Variants in SYNE3 observed in about 807,000 individuals in gnomAD.
SYNE3 encodes the protein nesprin-3.
In SYNE3, 100 loss-of-function variants were observed where a neutral mutation model predicts 111.2. The ratio of observed to expected loss-of-function variants is 0.90; its 90% CI spans 0.77 to 1.06. SYNE3 has a LOEUF of 1.06. Among genes scored for constraint, SYNE3 ranks in the 50% least tolerant of loss-of-function variants. The pLI, the probability that SYNE3 is intolerant of heterozygous loss-of-function variation, is 0.00. For missense variants in SYNE3, 1,160 were observed against 1,240.3 expected (o/e 0.94, Z 0.97); for synonymous variants, 547 against 533.9 (o/e 1.02, Z -0.34).
At chr14:95,465,823 T>C in intron 4 of SYNE3, 108 bp downstream of exon 4, 1 of 1,169,490 alleles carries the variant, frequency 8.6e-7, no homozygotes, top group Non-Finnish European at 1.2e-6. Context: ...GATAGATTGA[T>C]AGTAGGTAAA....
rs73343113 is a variant in SYNE3, at chr14:95,485,344, C to T, written c.-14-9509G>A. ...GACAGAGTGAGGCGGGGCTGCTGGC[C>T]CCCTCCCCACATTCCAATGGGCTTC... On this transcript the variant is annotated intron_variant, in intron 1 of 17. Coordinates refer to ENST00000682763, the MANE Select transcript of SYNE3 (RefSeq NM_152592.6). This position sits in a 1 kb window ranked among gnomAD's most constrained non-coding sequence, Gnocchi z 4.3. Among the ~76,000 whole-genome samples the T allele has an allele frequency of 0.052, 7,940 of 152,168 alleles. 339 individuals are homozygous for T. The highest frequency in any genetic ancestry group is 0.12 in the African/African-American group (5,024 of 41,484).
intron 17 of SYNE3, among the ~76,000 whole-genome samples, chr14:95,431,099 C>A (rs141568638): frequency 1.1e-3 from 162 of 152,354 alleles, no homozygotes; most frequent in African/African-American, 3.8e-3. Context: ...TCAGAGCATG[C>A]CGGAGGAGGC....
intron 1 of SYNE3, among the ~76,000 whole-genome samples, chr14:95,509,623 G>A (rs145080874): frequency 6.6e-5 from 10 of 152,316 alleles, no homozygotes; most frequent in Non-Finnish European, 1.5e-4. Flanking sequence ...GGCTCCTCCC[G>A]TCCTTAAGGA....
chr14:95,431,945 A>G (rs1490125757), intron 17 of SYNE3, 134 bp downstream of exon 17: 3 of 1,020,970 alleles, frequency 2.9e-6, no homozygotes, highest in Non-Finnish European at 2.9e-6. Flanking sequence ...CCCAGAGTTG[A>G]TCCCCCATAA....
rs1301084893 is a variant in SYNE3 at position 95,417,602 on chromosome 14, C to T, written c.*224G>A. The T allele has an allele frequency of 1.5e-5, 9 of 585,592 alleles. No individual in the cohort carries two copies. In the East Asian group the frequency reaches 2.0e-4, roughly 13 times the overall value. 36.3% of individuals were successfully genotyped at this position (585,592 alleles called of 1,614,324 possible). Reference sequence around the variant, plus strand: ...ATACAGATCATATAAAAATTCTAGACATTATTCCCTAGTCACATGTAGTAC... The same window carrying T: ...ATACAGATCATATAAAAATTCTAGATATTATTCCCTAGTCACATGTAGTAC... On this transcript the variant is annotated 3_prime_UTR_variant, in exon 18 of 18. Coordinates refer to ENST00000682763, the MANE Select transcript of SYNE3 (RefSeq NM_152592.6).
chr14:95,436,463 T>C (rs1886090946), intron 15 of SYNE3, among the ~76,000 whole-genome samples: 1 of 152,184 alleles, frequency 6.6e-6, no homozygotes. Flanking sequence ...CACTGCCCGG[T>C]TGAGTTCAGC....
intron 5 of SYNE3, 84 bp downstream of exon 5, chr14:95,457,093 A>G: frequency 6.8e-7 from 1 of 1,479,260 alleles, no homozygotes; most frequent in Non-Finnish European, 9.0e-7. Flanking sequence ...TCAAAAAAAA[A>G]AAAAAAAAAG....
At chr14:95,459,032 C>T (rs184140852) in intron 4 of SYNE3, among the ~76,000 whole-genome samples, 1 of 152,298 alleles carries the variant, frequency 6.6e-6, no homozygotes, top group Non-Finnish European at 1.5e-5. Flanking sequence ...AAGTGTCAGA[C>T]TCCAAAATCA....
intron 6 of SYNE3, among the ~76,000 whole-genome samples, chr14:95,453,661 A>G (rs1887230956): frequency 6.6e-6 from 1 of 152,254 alleles, no homozygotes; most frequent in African/African-American, 2.4e-5. Context: ...AGCCCAGCAC[A>G]TCAGTGGTCA....
At chr14:95,484,458 G>A (rs913476429) in intron 1 of SYNE3, among the ~76,000 whole-genome samples, 1 of 152,224 alleles carries the variant, frequency 6.6e-6, no homozygotes, top group Non-Finnish European at 1.5e-5. Flanking sequence ...AGGGGCTGCT[G>A]GCAGTGTGGG....
chr14:95,424,214 G>T (rs547767630), intron 17 of SYNE3, among the ~76,000 whole-genome samples: 1 of 151,844 alleles, frequency 6.6e-6, no homozygotes, highest in African/African-American at 2.4e-5. Context: ...AGCCACAGGT[G>T]TGAGAGGAGA....
At chr14:95,513,189 C>T (rs545729420) in intron 1 of SYNE3, among the ~76,000 whole-genome samples, 16 of 152,176 alleles carry the variant, frequency 1.1e-4, no homozygotes, top group Admixed American at 1.0e-3. Flanking sequence ...TTCCTCAGCA[C>T]GCGTGGTAAT....
chr14:95,427,289 CA>C (rs1885488523), intron 17 of SYNE3, among the ~76,000 whole-genome samples: 1 of 152,156 alleles, frequency 6.6e-6, no homozygotes, highest in South Asian at 2.1e-4. Context: ...AAACACCCGC[CA>C]CTTAGCAGAC....
At position 95,423,631 on chromosome 14, in the gene SYNE3, GATGGGGATGGGGTTTT is replaced by G. The variant is rs1885267882; in HGVS notation, c.2728-5621_2728-5606del. On this transcript the variant is annotated intron_variant, in intron 17 of 17. Transcript: ENST00000682763. ...GGGGATTTGATGGGGATGGGGATTTGATGGGGATGGGGTTTTGATGGGGATGGGGATTTGATGGGGA... is the reference window on the plus strand; with the variant it reads ...GGGGATTTGATGGGGATGGGGATTTGGATGGGGATGGGGATTTGATGGGGA... Among the ~76,000 whole-genome samples, 28 of 35,908 alleles carry G rather than the reference GATGGGGATGGGGTTTT, an allele frequency of 7.8e-4. 2 individuals carry two copies. The highest frequency in any genetic ancestry group is 1.2e-3 in the Non-Finnish European group (19 of 15,350). The allele number at this position is 35,908 out of a possible 152,430, so 23.6% of individuals were successfully genotyped here. A position where few individuals can be genotyped will look rare whatever the true frequency, so the allele number is the denominator to read the frequency against.
chr14:95,432,156 A>T, intron 16 of SYNE3, 39 bp from the exon 17 acceptor site: 1 of 1,598,034 alleles, frequency 6.3e-7, no homozygotes, highest in South Asian at 1.1e-5. Flanking sequence ...GGGGGAAAAA[A>T]ATAAGTTAAG....
chr14:95,513,773 T>TATATA, intron 1 of SYNE3, among the ~76,000 whole-genome samples: 1 of 68,604 alleles, frequency 1.5e-5, no homozygotes, highest in East Asian at 4.9e-4. Context: ...ATATATATAT[T>TATATA]CAGAATCCAT....
rs61754461 is a variant in SYNE3 at position 95,439,758 on chromosome 14, C to A, written c.2100G>T (p.Lys700Asn). 21,297 of 1,613,372 alleles carry A rather than the reference C, an allele frequency of 0.013. 168 individuals carry two copies. The highest frequency in any genetic ancestry group is 0.017 in the Non-Finnish European group (19,526 of 1,179,536). Reference sequence around the variant, plus strand: ...CTTCCACCAGGGACAGCTGGGCCTCCTTCTCCGGGAATTCTGCCACCAGCC... The same window carrying A: ...CTTCCACCAGGGACAGCTGGGCCTCATTCTCCGGGAATTCTGCCACCAGCC... ...FERLVAEFPEKEAQLSLVEAQ... is the reference protein window; with the variant it reads ...FERLVAEFPENEAQLSLVEAQ... The change falls in exon 13 of 18, where the codon AAG (lysine) becomes AAT (asparagine). Residue 700 changes from lysine to asparagine, a missense_variant. By Grantham distance (94) the Lys-to-Asn change is moderately conservative (BLOSUM62 0). Coordinates refer to ENST00000682763, the MANE Select transcript of SYNE3 (RefSeq NM_152592.6).
chr14:95,423,206 C>T (rs995136068), intron 17 of SYNE3, among the ~76,000 whole-genome samples: 3 of 152,094 alleles, frequency 2.0e-5, no homozygotes, highest in African/African-American at 4.8e-5. Context: ...CTGAGCTGGC[C>T]TGTGGTTTAG....
rs1011430148 is a variant in SYNE3 at position 95,485,956 on chromosome 14, G to A, written c.-14-10121C>T. On this transcript the variant is annotated intron_variant, in intron 1 of 17. Transcript: ENST00000682763. The surrounding 1 kb of genome is among the most constrained non-coding windows in gnomAD (Gnocchi z 4.3). ...CAAGGGTCAGGGGAGGGACAGAGGT[G>A]CAGACAGCAGCCTGCACTCAAGGGG... is the stretch of plus-strand genomic sequence containing the variant. 1.3e-5 allele frequency among the ~76,000 whole-genome samples: 2 copies of A among 152,124 alleles called. No homozygotes were observed. Among genetic ancestry groups the A allele is most frequent in the African/African-American group, 4.8e-5 (2 of 41,412 alleles).
Sources: gnomAD v4.1 joint callset for allele counts (sites outside exome capture counted in the v4.1 genomes callset) on GRCh38, gnomAD v4.1.1 for gene constraint, Gnocchi (gnomAD v3.1) non-coding constraint, MANE v1.5 for transcripts, NCBI Gene and HGNC (gene_info 2026-07-23, HGNC 2026-07-21) for gene names.